Variants in ARID4B observed in about 807,000 individuals in gnomAD.
ARID4B encodes AT-rich interactive domain-containing protein 4B.
Under a neutral mutation model 147.5 loss-of-function variants are expected in ARID4B, and 26 were observed. The ratio of observed to expected loss-of-function variants is 0.18; its 90% CI spans 0.13 to 0.24. The LOEUF is 0.24. Ranked by LOEUF, ARID4B falls within the 10% of genes least tolerant of loss-of-function variation. ARID4B has a pLI of 1.00. For missense variants in ARID4B, 1,179 were observed against 1,511.5 expected (o/e 0.78, Z 3.65); for synonymous variants, 512 against 507.9 (o/e 1.01, Z -0.11).
chr1:235,305,592 T>G (rs1245398309), intron 2 of ARID4B, among the ~76,000 whole-genome samples: 1 of 151,710 alleles, frequency 6.6e-6, no homozygotes, highest in Non-Finnish European at 1.5e-5. Context: ...TTATATAATC[T>G]CTCTCGGCCT....
intron 11 of ARID4B, 70 bp from the exon 12 acceptor site, chr1:235,224,845 C>T: frequency 1.8e-6 from 2 of 1,086,948 alleles, no homozygotes; most frequent in Non-Finnish European, 2.7e-6. Flanking sequence ...AGATTTCTTA[C>T]CAATAGCAAA....
chr1:235,309,197 C>G (rs1457610421), intron 2 of ARID4B, among the ~76,000 whole-genome samples: 9 of 150,666 alleles, frequency 6.0e-5, no homozygotes, highest in African/African-American at 2.2e-4. Context: ...AGCGTCTCTG[C>G]CCGGCCGCCC....
At chr1:235,318,634 C>A (rs1041345334) in intron 2 of ARID4B, among the ~76,000 whole-genome samples, 12 of 152,090 alleles carry the variant, frequency 7.9e-5, no homozygotes, top group African/African-American at 2.7e-4. Flanking sequence ...GTAATCCCAG[C>A]ACTTTGGGGG....
intron 6 of ARID4B, among the ~76,000 whole-genome samples, chr1:235,251,571 ATAAG>A (rs1476368086): frequency 2.6e-5 from 4 of 152,160 alleles, no homozygotes; most frequent in African/African-American, 9.7e-5. Flanking sequence ...TAATAGGTTA[ATAAG>A]TAATATTAAA....
chr1:235,210,030 C>A (rs1482641021), intron 17 of ARID4B, among the ~76,000 whole-genome samples: 1 of 151,942 alleles, frequency 6.6e-6, no homozygotes, highest in African/African-American at 2.4e-5. Context: ...GAGTTTGAAA[C>A]CAGCTTGGGC....
intron 5 of ARID4B, among the ~76,000 whole-genome samples, chr1:235,253,888 CA>C (rs1375235779): frequency 7.9e-5 from 12 of 152,052 alleles, no homozygotes; most frequent in African/African-American, 2.9e-4. Context: ...TTCTGATGCT[CA>C]ACAGGATCTC....
intron 11 of ARID4B, 24 bp from the exon 12 acceptor site, chr1:235,224,799 T>C (rs1356758447): frequency 2.7e-6 from 4 of 1,480,620 alleles, no homozygotes; most frequent in Non-Finnish European, 3.7e-6. Flanking sequence ...CAGAAGAATA[T>C]TATTTTCTTC....
At chr1:235,305,380 C>T (rs144111254) in intron 2 of ARID4B, among the ~76,000 whole-genome samples, 1 of 152,178 alleles carries the variant, frequency 6.6e-6, no homozygotes, top group African/African-American at 2.4e-5. Context: ...CATAAAAACA[C>T]ACATACACTT....
At chr1:235,306,812 C>T (rs1367454644) in intron 2 of ARID4B, among the ~76,000 whole-genome samples, 2 of 152,034 alleles carry the variant, frequency 1.3e-5, no homozygotes, top group Non-Finnish European at 2.9e-5. Flanking sequence ...TGCACCACCA[C>T]ACCCGGCTAA....
chr1:235,257,059 G>C, intron 4 of ARID4B, 101 bp downstream of exon 4: 1 of 812,304 alleles, frequency 1.2e-6, no homozygotes, highest in Non-Finnish European at 2.0e-6. Flanking sequence ...ATTACATATT[G>C]AATTTATCAA....
intron 23 of ARID4B, among the ~76,000 whole-genome samples, chr1:235,168,891 C>G (rs541833158): frequency 6.6e-6 from 1 of 152,276 alleles, no homozygotes; most frequent in South Asian, 2.1e-4. Context: ...GGGAAGGCTC[C>G]TGCGTGGGTC....
At chr1:235,269,837 T>G (rs1037909254) in intron 2 of ARID4B, among the ~76,000 whole-genome samples, 2 of 152,212 alleles carry the variant, frequency 1.3e-5, no homozygotes, top group African/African-American at 4.8e-5. Context: ...TAAATTATTT[T>G]GTAAAGTAAT....
chr1:235,233,934 C>G (rs80019709), intron 9 of ARID4B, among the ~76,000 whole-genome samples: 14,340 of 152,136 alleles, frequency 0.094, 1,564 homozygotes, highest in East Asian at 0.59. Context: ...TAAAAATTAG[C>G]TGGGTGCGGT....
chr1:235,238,997 T>C (rs1668808519), intron 8 of ARID4B, among the ~76,000 whole-genome samples: 1 of 151,844 alleles, frequency 6.6e-6, no homozygotes, highest in African/African-American at 2.4e-5. Context: ...TTTTTTTTTT[T>C]TTTGAGAGGG....
At chr1:235,170,234 A>G (rs1663242823) in intron 23 of ARID4B, among the ~76,000 whole-genome samples, 1 of 152,118 alleles carries the variant, frequency 6.6e-6, no homozygotes, top group South Asian at 2.1e-4. Flanking sequence ...AGCCATGCCT[A>G]TTTGTTTACA....
chr1:235,240,195 A>T, intron 8 of ARID4B, 118 bp downstream of exon 8: 2 of 951,838 alleles, frequency 2.1e-6, no homozygotes, highest in Non-Finnish European at 3.1e-6. Flanking sequence ...AGTGTGAACT[A>T]AATAATGCTA....
chr1:235,173,968 T>C (rs1255651716), intron 22 of ARID4B, among the ~76,000 whole-genome samples: 1 of 150,804 alleles, frequency 6.6e-6, no homozygotes, highest in African/African-American at 2.4e-5. Flanking sequence ...CTGTATCATC[T>C]GCACCCCTAT....
intron 8 of ARID4B, among the ~76,000 whole-genome samples, chr1:235,239,406 A>G (rs1029255712): frequency 6.6e-6 from 1 of 152,232 alleles, no homozygotes; most frequent in Admixed American, 6.5e-5. Flanking sequence ...AATCTTCATT[A>G]AAGTATCATA....
At chr1:235,270,381 A>G (rs1670903672) in intron 2 of ARID4B, among the ~76,000 whole-genome samples, 1 of 152,138 alleles carries the variant, frequency 6.6e-6, no homozygotes, top group Non-Finnish European at 1.5e-5. Flanking sequence ...TCTTCTTACA[A>G]TTTTTTAAAG....
Sources: allele counts gnomAD v4.1 joint callset (sites outside exome capture counted in the v4.1 genomes callset), GRCh38; gene constraint gnomAD v4.1.1; transcripts MANE v1.5; gene names NCBI Gene and HGNC (gene_info 2026-07-23, HGNC 2026-07-21).